The following TYMS variants were observed in gnomAD, a reference collection of about 807,000 sequenced individuals.
TYMS encodes the protein thymidylate synthase.
A neutral mutation model predicts 39.3 loss-of-function variants in TYMS; 21 were observed. That is an observed-to-expected ratio of 0.54 (90% confidence interval 0.38 to 0.77). The LOEUF is 0.77. Ranked by LOEUF, TYMS falls within the 30% of genes least tolerant of loss-of-function variation. The probability of loss-of-function intolerance (pLI) is 0.00; values close to 1 mark genes in which losing one functional copy is unlikely to be tolerated. For synonymous variants in TYMS, 171 were observed against 162.2 expected, an observed-to-expected ratio of 1.05 and a Z score of -0.41; for missense variants, 273 against 406.7, an observed-to-expected ratio of 0.67 and a Z score of 2.83.
At chr18:669,771 TTTTTAACAATTATATTGTAAAATTCAAC>T (rs1222311783) in intron 4 of TYMS, among the ~76,000 whole-genome samples, 2 of 152,082 alleles carry the variant, frequency 1.3e-5, no homozygotes, top group Non-Finnish European at 1.5e-5. Flanking sequence ...CTCACTAACA[TTTTTAACAATTATATTGTAAAATTCAAC>T]TCTACCAGGG....
intron 3 of TYMS, among the ~76,000 whole-genome samples, chr18:664,235 C>A (rs1371579040): frequency 6.6e-6 from 1 of 151,948 alleles, no homozygotes; most frequent in East Asian, 1.9e-4. Context: ...TCCTTCACAT[C>A]CCTTTTAAGG....
chr18:662,463 G>A, intron 3 of TYMS, 143 bp downstream of exon 3: 1 of 635,402 alleles, frequency 1.6e-6, no homozygotes, highest in Non-Finnish European at 2.5e-6. Flanking sequence ...GGTGGTGCCA[G>A]GTTAAGCCAC....
Position 662,339 on chromosome 18 carries a change from G to A in TYMS, c.454+19G>A. The stretch of plus-strand genomic sequence containing the variant: ...GAATCAGGTGAGGAGATAGAACAAT[G>A]CCTTCCATTTCCCGGGTGCCCTTCC... On this transcript the variant is annotated intron_variant, in intron 3 of 6. Coordinates refer to ENST00000323274, the MANE Select transcript of TYMS (RefSeq NM_001071.4). 6.3e-7 allele frequency: 1 copy of A among 1,582,258 alleles called. No individual in the cohort carries two copies. The highest frequency in any genetic ancestry group is 8.6e-7 in the Non-Finnish European group (1 of 1,166,860).
In TYMS at chr18:658,400, G is replaced by A. The variant is rs2074717106; in HGVS notation, c.205+453G>A. ...TTTCAAAAACTGGAGCGAAAGTGAT[G>A]TGGGCGGGGCAAAGGCGGCGGGAAG... On this transcript the variant is annotated intron_variant, in intron 1 of 6. Transcript: ENST00000323274. The surrounding 1 kb of genome is among the most constrained non-coding windows in gnomAD (Gnocchi z 4.5). The A allele has an allele frequency of 8.1e-7, 1 of 1,230,060 alleles. No individual in the cohort carries two copies. Among genetic ancestry groups the A allele is most frequent in the South Asian group, 1.3e-5 (1 of 74,514 alleles). The allele number at this position is 1,230,060 out of a possible 1,614,324, so 76.2% of individuals were successfully genotyped here.
At chr18:666,915 TGATGGA>T (rs200659471) in intron 3 of TYMS, among the ~76,000 whole-genome samples, 3,278 of 59,456 alleles carry the variant, frequency 0.055, 488 homozygotes, top group Non-Finnish European at 0.082. Flanking sequence ...ATGGTGATGG[TGATGGA>T]GATGGTGATG....
chr18:669,811 G>T (rs1049884033), intron 4 of TYMS, among the ~76,000 whole-genome samples: 4 of 151,962 alleles, frequency 2.6e-5, no homozygotes, highest in Non-Finnish European at 5.9e-5. Context: ...CTACCAGGGT[G>T]TAGAGCCAGG....
chr18:663,738 T>G (rs1184399912), intron 3 of TYMS, among the ~76,000 whole-genome samples: 1 of 108,422 alleles, frequency 9.2e-6, no homozygotes, highest in Non-Finnish European at 1.8e-5. Context: ...TACATATGGC[T>G]AGCCAGTTTT....
In TYMS at chr18:658,480, A is replaced by G. The variant is rs1405230570; in HGVS notation, c.205+533A>G. The stretch of plus-strand genomic sequence containing the variant: ...TGGTTTCCTGGTGGCCTCCCATCCA[A>G]TCCCCACGAACCAGCTTTCCTCTTA... On this transcript the variant is annotated intron_variant, in intron 1 of 6. Transcript: ENST00000323274. The surrounding 1 kb of genome is among the most constrained non-coding windows in gnomAD (Gnocchi z 4.5). The G allele has an allele frequency of 6.9e-6, 3 of 437,150 alleles. No homozygotes were observed. Among genetic ancestry groups the G allele is most frequent in the East Asian group, 1.7e-4 (2 of 11,576 alleles). The allele number at this position is 437,150 out of a possible 1,614,324, so 27.1% of individuals were successfully genotyped here. A position where few individuals can be genotyped will look rare whatever the true frequency, so the allele number is the denominator to read the frequency against.
At chr18:661,466 C>T (rs2074754788) in intron 2 of TYMS, among the ~76,000 whole-genome samples, 1 of 152,196 alleles carries the variant, frequency 6.6e-6, no homozygotes, top group Admixed American at 6.5e-5. Context: ...GAACAGATTG[C>T]ATGTAGGCAT....
chr18:668,069 G>T (rs2074891978), intron 3 of TYMS, among the ~76,000 whole-genome samples: 1 of 142,786 alleles, frequency 7.0e-6, no homozygotes, highest in Non-Finnish European at 1.5e-5. Context: ...ATAATATCTT[G>T]GGTAACATCC....
intron 2 of TYMS, among the ~76,000 whole-genome samples, chr18:661,723 C>T (rs1215450562): frequency 1.3e-5 from 2 of 152,178 alleles, no homozygotes; most frequent in Admixed American, 6.5e-5. Context: ...TGGTGGCTCA[C>T]GCCTGTAATC....
chr18:673,044 G>A lies in TYMS; in HGVS notation c.*47G>A, dbSNP rs1364103259. On this transcript the variant is annotated 3_prime_UTR_variant, in exon 7 of 7. Coordinates refer to ENST00000323274, the MANE Select transcript of TYMS (RefSeq NM_001071.4). ...AGGATATTGTCAGTCTTTAGGGGTT[G>A]GGCTGGATGCCGAGGTAAAAGTTCT... is the stretch of plus-strand genomic sequence containing the variant. 6.9e-7 allele frequency: 1 copy of A among 1,453,796 alleles called. No homozygotes were observed. The allele number at this position is 1,453,796 out of a possible 1,614,324, so 90.1% of individuals were successfully genotyped here. A position where few individuals can be genotyped will look rare whatever the true frequency, so the allele number is the denominator to read the frequency against.
At position 658,111 on chromosome 18, in the gene TYMS, A is replaced by C; in HGVS notation, c.205+164A>C. The C allele has an allele frequency of 1.3e-6, 2 of 1,586,980 alleles. No homozygotes were observed. Among genetic ancestry groups the C allele is most frequent in the South Asian group, 1.1e-5 (1 of 87,366 alleles). On this transcript the variant is annotated intron_variant, in intron 1 of 6. Transcript: ENST00000323274. The surrounding 1 kb of genome is among the most constrained non-coding windows in gnomAD (Gnocchi z 4.5). ...CCTCGCCTTACAGACGCCGAAACGG[A>C]GGGTCCCATTAGGGACGTGACTGGC...
At position 666,963 on chromosome 18, in the gene TYMS, AGATGGT is replaced by A. The variant is rs1179964294; in HGVS notation, c.455-2103_455-2098del. ...GAGATGGTGATGGTGATGGAGATGG[AGATGGT>A]GATGGAGATGGAGATGGTGATGGTG... On this transcript the variant is annotated intron_variant, in intron 3 of 6. Coordinates refer to ENST00000323274, the MANE Select transcript of TYMS (RefSeq NM_001071.4). Among the ~76,000 whole-genome samples, 110 of 15,910 alleles carry A rather than the reference AGATGGT, an allele frequency of 6.9e-3. 20 individuals are homozygous for A. Among genetic ancestry groups the A allele is most frequent in the African/African-American group, 0.037 (98 of 2,634 alleles). 10.4% of individuals were successfully genotyped at this position (15,910 alleles called of 152,430 possible). A position where few individuals can be genotyped will look rare whatever the true frequency, so the allele number is the denominator to read the frequency against.
intron 4 of TYMS, 120 bp downstream of exon 4, chr18:669,293 T>C: frequency 6.3e-6 from 2 of 316,046 alleles, no homozygotes; most frequent in Admixed American, 1.1e-4. Flanking sequence ...AGCCACATGG[T>C]TGATTGTGTG....
chr18:660,517 A>G lies in TYMS; in HGVS notation c.279+803A>G, dbSNP rs929449757. ...ATTTGTTTCTCGTGTTCACTGTTGT[A>G]TCGCCAGGGCCTCAAACACAGCCTG... is the stretch of plus-strand genomic sequence containing the variant. On this transcript the variant is annotated intron_variant, in intron 2 of 6. Transcript: ENST00000323274. This position sits in a 1 kb window ranked among gnomAD's most constrained non-coding sequence, Gnocchi z 4.6. Among the ~76,000 whole-genome samples, 5 of 152,206 alleles carry G rather than the reference A, an allele frequency of 3.3e-5. No homozygotes were observed. Among genetic ancestry groups the G allele is most frequent in the Non-Finnish European group, 5.9e-5 (4 of 68,044 alleles).
At chr18:669,042 A>T in intron 3 of TYMS, 30 bp from the exon 4 acceptor site, 1 of 1,562,700 alleles carries the variant, frequency 6.4e-7, no homozygotes, top group Non-Finnish European at 8.8e-7. Flanking sequence ...TAATGTATGT[A>T]CCTGTCCTCT....
intron 2 of TYMS, among the ~76,000 whole-genome samples, chr18:661,617 G>C (rs2074756255): frequency 6.6e-6 from 1 of 152,206 alleles, no homozygotes; most frequent in Non-Finnish European, 1.5e-5. Flanking sequence ...AAAAGATCTG[G>C]GAGGGTGGTT....
chr18:665,090 A>C (rs1026732499), intron 3 of TYMS, among the ~76,000 whole-genome samples: 5 of 151,994 alleles, frequency 3.3e-5, no homozygotes, highest in Admixed American at 6.6e-5. Flanking sequence ...TTCAGAAGGA[A>C]TGGTACCAGT....
Sources: allele counts gnomAD v4.1 joint callset (sites outside exome capture counted in the v4.1 genomes callset), GRCh38; gene constraint gnomAD v4.1.1; non-coding constraint Gnocchi (gnomAD v3.1); transcripts MANE v1.5; gene names NCBI Gene and HGNC (gene_info 2026-07-23, HGNC 2026-07-21).